LRP1B: variants seen among roughly 807,000 people sequenced by gnomAD.
LRP1B encodes the protein low-density lipoprotein receptor-related protein 1B.
LRP1B carries 217 observed loss-of-function variants against 556.6 expected under a neutral mutation model. The observed-to-expected ratio is 0.39, with a 90% CI of 0.35 to 0.44. The LOEUF (loss-of-function observed/expected upper bound fraction) is 0.44, where lower values mean the gene tolerates loss of function less well. LRP1B is among the 20% of genes least tolerant of loss of function. The pLI is 1.00. For synonymous variants in LRP1B, 2,047 were observed against 1,865.8 expected (o/e 1.10, Z -2.50); for missense variants, 5,053 against 5,620.8 (o/e 0.90, Z 3.23).
At chr2:141,451,206 G>T (rs914690976) in intron 3 of LRP1B, among the ~76,000 whole-genome samples, 2 of 152,250 alleles carry the variant, frequency 1.3e-5, no homozygotes, top group South Asian at 4.1e-4. Context: ...CTGAGTGTGT[G>T]CATGCTTGAA....
intron 41 of LRP1B, among the ~76,000 whole-genome samples, chr2:140,670,869 A>G (rs1685455445): frequency 6.6e-6 from 1 of 152,236 alleles, no homozygotes; most frequent in South Asian, 2.1e-4. Flanking sequence ...AGGTCAATAC[A>G]TAATGCCTAA....
chr2:141,190,929 C>T (rs143054223), intron 6 of LRP1B, among the ~76,000 whole-genome samples: 1 of 152,046 alleles, frequency 6.6e-6, no homozygotes, highest in Non-Finnish European at 1.5e-5. Flanking sequence ...GCAAATACTG[C>T]AAAAACTCTC....
intron 31 of LRP1B, among the ~76,000 whole-genome samples, chr2:140,826,503 A>T (rs1691513387): frequency 6.6e-6 from 1 of 152,186 alleles, no homozygotes; most frequent in Non-Finnish European, 1.5e-5. Context: ...TGCCAAGATG[A>T]TCACCAGCAA....
chr2:141,789,298 T>C (rs963077964), intron 2 of LRP1B, among the ~76,000 whole-genome samples: 1 of 152,042 alleles, frequency 6.6e-6, no homozygotes, highest in Non-Finnish European at 1.5e-5. Context: ...TAAAACATTT[T>C]AGTATCACTC....
intron 56 of LRP1B, among the ~76,000 whole-genome samples, chr2:140,494,175 C>A (rs538425947): frequency 6.6e-6 from 1 of 152,174 alleles, no homozygotes; most frequent in East Asian, 1.9e-4. Context: ...AGTATAATTG[C>A]TAATAATAAA....
intron 2 of LRP1B, among the ~76,000 whole-genome samples, chr2:141,662,073 G>A (rs1690242252): frequency 1.3e-5 from 2 of 152,114 alleles, no homozygotes; most frequent in Admixed American, 1.3e-4. Flanking sequence ...TTCATATCTG[G>A]CCAAACTAAG....
chr2:141,059,175 A>G, intron 8 of LRP1B, 121 bp from the exon 9 acceptor site: 1 of 625,158 alleles, frequency 1.6e-6, no homozygotes, highest in Non-Finnish European at 2.6e-6. Context: ...CAAGGATGTT[A>G]TTTACTTTTT....
At chr2:140,473,939 T>C (rs1687866437) in intron 60 of LRP1B, among the ~76,000 whole-genome samples, 2 of 151,944 alleles carry the variant, frequency 1.3e-5, no homozygotes, top group African/African-American at 4.8e-5. Flanking sequence ...TCTGTCAACA[T>C]TCCTTTTGCT....
intron 15 of LRP1B, among the ~76,000 whole-genome samples, chr2:140,998,007 T>A (rs949469314): frequency 6.6e-6 from 1 of 151,990 alleles, no homozygotes; most frequent in Non-Finnish European, 1.5e-5. Context: ...GCTTCTAAAC[T>A]TTTTACTGCC....
chr2:140,569,555 A>G (rs1681247107), intron 43 of LRP1B, among the ~76,000 whole-genome samples: 1 of 151,882 alleles, frequency 6.6e-6, no homozygotes, highest in African/African-American at 2.4e-5. Flanking sequence ...TATAAACCAA[A>G]TGTTATTAAT....
At chr2:141,380,441 ACTC>A (rs1689595338) in intron 3 of LRP1B, among the ~76,000 whole-genome samples, 5 of 152,010 alleles carry the variant, frequency 3.3e-5, no homozygotes, top group Admixed American at 2.6e-4. Flanking sequence ...TCCCCAGCTC[ACTC>A]CAGTGATAAA....
intron 16 of LRP1B, among the ~76,000 whole-genome samples, chr2:140,991,396 T>C (rs1447165969): frequency 6.6e-6 from 1 of 152,150 alleles, no homozygotes; most frequent in Non-Finnish European, 1.5e-5. Context: ...ATTACCTATG[T>C]AGTATTAGAA....
intron 52 of LRP1B, among the ~76,000 whole-genome samples, chr2:140,508,211 C>T (rs572026329): frequency 2.0e-5 from 3 of 152,236 alleles, no homozygotes; most frequent in Non-Finnish European, 4.4e-5. Context: ...AAACACCTTT[C>T]TCTTTCTTTG....
At chr2:140,320,232 A>C (rs185620960) in intron 82 of LRP1B, among the ~76,000 whole-genome samples, 2,560 of 152,104 alleles carry the variant, frequency 0.017, 80 homozygotes, top group African/African-American at 0.059. Context: ...GTCACTGGCC[A>C]CATAAACATC....
intron 3 of LRP1B, among the ~76,000 whole-genome samples, chr2:141,315,575 T>A (rs1355250256): frequency 6.6e-6 from 1 of 151,878 alleles, no homozygotes; most frequent in African/African-American, 2.4e-5. Context: ...TTGTATTTTA[T>A]AAATGTATTT....
At position 141,145,154 on chromosome 2, in the gene LRP1B, C is replaced by G. The variant is rs74880654; in HGVS notation, c.1013+43267G>C. Among the ~76,000 whole-genome samples, 218 of 152,228 alleles carry G rather than the reference C, an allele frequency of 1.4e-3. 3 individuals are homozygous for G. The East Asian group carries it at 0.034, about 24-fold the overall frequency. On this transcript the variant is annotated intron_variant, in intron 7 of 90. Coordinates refer to ENST00000389484, the MANE Select transcript of LRP1B (RefSeq NM_018557.3). The stretch of plus-strand genomic sequence containing the variant: ...GTGGACAATATTAGATTCGCATAAA[C>G]TAATGAATGTTAATAATGCCTGTCA...
intron 66 of LRP1B, among the ~76,000 whole-genome samples, chr2:140,423,897 G>A (rs537744479): frequency 5.9e-5 from 9 of 151,960 alleles, no homozygotes; most frequent in South Asian, 4.1e-4. Context: ...CACTAATATC[G>A]CTAGAAAAGT....
intron 5 of LRP1B, among the ~76,000 whole-genome samples, chr2:141,231,531 C>T (rs1683468198): frequency 6.6e-6 from 1 of 152,086 alleles, no homozygotes; most frequent in Admixed American, 6.6e-5. Context: ...GTGGCTGCAG[C>T]CTGGAGAATC....
At chr2:140,675,491 A>C (rs774301016) in intron 41 of LRP1B, among the ~76,000 whole-genome samples, 19 of 152,226 alleles carry the variant, frequency 1.2e-4, no homozygotes, top group Admixed American at 6.5e-5. Context: ...TTTCAAATTG[A>C]ATTATATTTA....
Sources: allele counts gnomAD v4.1 joint callset (sites outside exome capture counted in the v4.1 genomes callset), GRCh38; gene constraint gnomAD v4.1.1; transcripts MANE v1.5; gene names NCBI Gene and HGNC (gene_info 2026-07-23, HGNC 2026-07-21).